The following CSMD1 variants were observed in gnomAD, a reference collection of about 807,000 sequenced individuals.
CSMD1 encodes CUB and sushi domain-containing protein 1.
In CSMD1, 213 loss-of-function variants were observed where a neutral mutation model predicts 417.5. That is an observed-to-expected ratio of 0.51 (90% confidence interval 0.46 to 0.57). CSMD1 has a LOEUF of 0.57. Among genes scored for constraint, CSMD1 ranks in the 20% least tolerant of loss-of-function variants. The pLI is 0.00. For missense variants in CSMD1, 6,923 were observed against 4,529.7 expected (o/e 1.53, Z -15.17); for synonymous variants, 2,862 against 1,736.8 (o/e 1.65, Z -16.11).
intron 3 of CSMD1, among the ~76,000 whole-genome samples, chr8:4,084,751 CT>C (rs1168857541): frequency 6.6e-6 from 1 of 150,638 alleles, no homozygotes; most frequent in Non-Finnish European, 1.5e-5. Context: ...CCCCACCCCC[CT>C]ACCCAAAGCA....
At chr8:4,074,116 G>A (rs1041738374) in intron 3 of CSMD1, among the ~76,000 whole-genome samples, 8 of 152,004 alleles carry the variant, frequency 5.3e-5, no homozygotes, top group Admixed American at 3.3e-4. Flanking sequence ...GCTTAAATGG[G>A]TTTTAAGTTG....
At chr8:4,030,675 T>C (rs957231110) in intron 4 of CSMD1, among the ~76,000 whole-genome samples, 1 of 152,228 alleles carries the variant, frequency 6.6e-6, no homozygotes, top group Non-Finnish European at 1.5e-5. Flanking sequence ...AACTTTTGGC[T>C]TCTTGTTACT....
chr8:4,560,092 G>C (rs1291094027), intron 2 of CSMD1, among the ~76,000 whole-genome samples: 2 of 152,194 alleles, frequency 1.3e-5, no homozygotes, highest in Admixed American at 6.5e-5. Flanking sequence ...CTCGTGCTTG[G>C]GCCACCTCCA....
At chr8:3,209,550 A>C (rs1271562796) in intron 30 of CSMD1, among the ~76,000 whole-genome samples, 3 of 151,960 alleles carry the variant, frequency 2.0e-5, no homozygotes, top group Non-Finnish European at 4.4e-5. Context: ...TGATCTCCTG[A>C]CCTTGTGATC....
At chr8:4,316,633 C>G (rs559322109) in intron 3 of CSMD1, among the ~76,000 whole-genome samples, 1 of 151,914 alleles carries the variant, frequency 6.6e-6, no homozygotes, top group African/African-American at 2.4e-5. Context: ...AGAAGGTGAA[C>G]GACAATGGGG....
chr8:3,539,527 G>T (rs925562187), intron 10 of CSMD1, among the ~76,000 whole-genome samples: 1 of 152,036 alleles, frequency 6.6e-6, no homozygotes, highest in Non-Finnish European at 1.5e-5. Context: ...GCCCACAAAG[G>T]TTCTCATTTT....
At chr8:4,019,506 T>G (rs1563325328) in intron 4 of CSMD1, among the ~76,000 whole-genome samples, 1 of 152,184 alleles carries the variant, frequency 6.6e-6, no homozygotes. Flanking sequence ...TGCATGAATG[T>G]GAAGTTTGGT....
intron 2 of CSMD1, among the ~76,000 whole-genome samples, chr8:4,475,541 C>T (rs1404509667): frequency 2.6e-5 from 4 of 152,148 alleles, no homozygotes; most frequent in Non-Finnish European, 4.4e-5. Context: ...AAAGTTTCAT[C>T]TATCTTGCAA....
chr8:3,448,057 AG>A (rs1378891013), intron 12 of CSMD1, among the ~76,000 whole-genome samples: 10 of 151,952 alleles, frequency 6.6e-5, no homozygotes, highest in Admixed American at 6.5e-4. Flanking sequence ...TGTCATACAC[AG>A]GATTTCTAAT....
intron 5 of CSMD1, among the ~76,000 whole-genome samples, chr8:3,962,795 A>C (rs557572777): frequency 7.9e-5 from 12 of 152,302 alleles, no homozygotes; most frequent in South Asian, 6.2e-4. Context: ...TATTTTTAAA[A>C]ACATTGAGGG....
intron 5 of CSMD1, among the ~76,000 whole-genome samples, chr8:3,886,439 T>C (rs780345740): frequency 7.2e-5 from 11 of 152,210 alleles, no homozygotes; most frequent in Non-Finnish European, 8.8e-5. Flanking sequence ...ATTTAACATA[T>C]TCTTTACAAG....
chr8:3,641,024 CTTTTTTTT>C (rs34851559), intron 7 of CSMD1, among the ~76,000 whole-genome samples: 103 of 102,758 alleles, frequency 1.0e-3, no homozygotes, highest in African/African-American at 3.7e-3. Context: ...TCCTTTTTTC[CTTTTTTTT>C]TTTTTTTTTT....
intron 23 of CSMD1, among the ~76,000 whole-genome samples, chr8:3,330,109 G>C (rs1203430120): frequency 6.6e-6 from 1 of 152,180 alleles, no homozygotes; most frequent in African/African-American, 2.4e-5. Flanking sequence ...AAGCAGGGTA[G>C]TGGGTAGAGA....
chr8:4,156,445 T>C (rs988466620), intron 3 of CSMD1, among the ~76,000 whole-genome samples: 2 of 152,192 alleles, frequency 1.3e-5, no homozygotes, highest in African/African-American at 4.8e-5. Context: ...AGGATAAATA[T>C]GCTATTGGTG....
intron 23 of CSMD1, among the ~76,000 whole-genome samples, chr8:3,332,641 T>A (rs1332300023): frequency 6.6e-6 from 1 of 152,240 alleles, no homozygotes; most frequent in African/African-American, 2.4e-5. Flanking sequence ...ATTAAATATA[T>A]ACTTTATGTC....
chr8:3,853,620 C>T (rs77095486), intron 5 of CSMD1, among the ~76,000 whole-genome samples: 10,581 of 151,774 alleles, frequency 0.07, 554 homozygotes, highest in African/African-American at 0.15. Context: ...AAGAAGGAGA[C>T]CTTGTGCCCC....
intron 18 of CSMD1, among the ~76,000 whole-genome samples, chr8:3,374,686 A>C (rs1218183881): frequency 6.6e-6 from 1 of 152,086 alleles, no homozygotes; most frequent in Non-Finnish European, 1.5e-5. Context: ...AAGCAACCCT[A>C]TGGTAGCAGG....
chr8:4,103,952 C>T (rs532865202), intron 3 of CSMD1, among the ~76,000 whole-genome samples: 3 of 152,304 alleles, frequency 2.0e-5, no homozygotes, highest in African/African-American at 7.2e-5. Context: ...CTCCTCAAAC[C>T]CTGTGCTGCA....
chr8:4,728,555 C>T (rs780853955), intron 1 of CSMD1, among the ~76,000 whole-genome samples: 37 of 152,108 alleles, frequency 2.4e-4, no homozygotes, highest in Non-Finnish European at 4.6e-4. Context: ...ATTTGGAGCT[C>T]TTCATGTCTT....
Sources: allele counts gnomAD v4.1 joint callset (sites outside exome capture counted in the v4.1 genomes callset), GRCh38; gene constraint gnomAD v4.1.1; transcripts MANE v1.5; gene names NCBI Gene and HGNC (gene_info 2026-07-23, HGNC 2026-07-21).